The following EEF1E1 variants were observed in gnomAD, a reference collection of about 807,000 sequenced individuals.
The protein encoded by EEF1E1 is eukaryotic translation elongation factor 1 epsilon-1.
EEF1E1 carries 19 observed loss-of-function variants against 19.9 expected under a neutral mutation model. That is an observed-to-expected ratio of 0.95 (90% confidence interval 0.66 to 1.40). The LOEUF is 1.40. Ranked by LOEUF, EEF1E1 falls within the 40% of genes most tolerant of loss-of-function variation. The pLI is 0.00. For synonymous variants in EEF1E1, 81 were observed against 80.0 expected, an observed-to-expected ratio of 1.01 and a Z score of -0.07; for missense variants, 198 against 202.2, an observed-to-expected ratio of 0.98 and a Z score of 0.13.
rs1758359238 is a variant in EEF1E1 at position 8,101,359 on chromosome 6, T to TTATATA, written c.87+1075_87+1076insTATATA. Among the ~76,000 whole-genome samples the TTATATA allele has an allele frequency of 3.5e-5, 5 of 141,908 alleles. 1 individual carries two copies. The East Asian group carries it at 1.0e-3, about 29-fold the overall frequency. 93.1% of individuals were successfully genotyped at this position (141,908 alleles called of 152,430 possible). A position where few individuals can be genotyped will look rare whatever the true frequency, so the allele number is the denominator to read the frequency against. ...TATTATATTTATACTACATATATAT[T>TTATATA]ATATAATATATACACTAAGCTAGGG... On this transcript the variant is annotated intron_variant, in intron 1 of 3. Transcript: ENST00000379715.
intron 3 of EEF1E1, chr6:8,073,603 T>C: frequency 2.0e-6 from 3 of 1,481,530 alleles, no homozygotes; most frequent in South Asian, 1.3e-5. Flanking sequence ...TTATCTATTA[T>C]TGTTGTTATT....
intron 3 of EEF1E1, among the ~76,000 whole-genome samples, chr6:8,081,003 C>A (rs1757710276): frequency 6.6e-6 from 1 of 152,184 alleles, no homozygotes; most frequent in Non-Finnish European, 1.5e-5. Context: ...TGCTAAGTTA[C>A]CAGATCACCA....
chr6:8,079,809 AT>A lies in EEF1E1; in HGVS notation c.*80del. 6.9e-7 allele frequency: 1 copy of A among 1,458,712 alleles called. No homozygotes were observed. Among genetic ancestry groups the A allele is most frequent in the Non-Finnish European group, 9.1e-7 (1 of 1,098,736 alleles). 90.4% of individuals were successfully genotyped at this position (1,458,712 alleles called of 1,614,324 possible). On this transcript the variant is annotated 3_prime_UTR_variant, in exon 4 of 4. Transcript: ENST00000379715. Reference sequence around the variant, plus strand: ...ACAAATAATGAATGACTGTATATTAATTTACATTAGTCCTGTGGTCTAGAGT... The same window carrying A: ...ACAAATAATGAATGACTGTATATTAATTACATTAGTCCTGTGGTCTAGAGT...
At chr6:8,082,703 CA>C (rs1419227084) in intron 3 of EEF1E1, among the ~76,000 whole-genome samples, 2 of 152,110 alleles carry the variant, frequency 1.3e-5, no homozygotes, top group Non-Finnish European at 2.9e-5. Context: ...CAGAGTTTTT[CA>C]AAAAGGATGA....
intron 3 of EEF1E1, among the ~76,000 whole-genome samples, chr6:8,084,971 C>T (rs771211403): frequency 1.3e-5 from 2 of 151,944 alleles, no homozygotes; most frequent in African/African-American, 2.4e-5. Flanking sequence ...ATTTTAAATT[C>T]GAAAAGCTAC....
downstream of EEF1E1, among the ~76,000 whole-genome samples, chr6:8,078,304 C>CTGAGTCTCCTGACT (rs1554142261): frequency 8.6e-5 from 13 of 151,664 alleles, no homozygotes; most frequent in South Asian, 2.1e-4. Flanking sequence ...AGAGGGAAGC[C>CTGAGTCTCCTGACT]CAAGGAAAAG....
At chr6:8,084,473 G>T (rs1019502953) in intron 3 of EEF1E1, among the ~76,000 whole-genome samples, 1 of 152,176 alleles carries the variant, frequency 6.6e-6, no homozygotes, top group African/African-American at 2.4e-5. Context: ...TAGAGGAAAA[G>T]AAAATTTAAT....
chr6:8,074,495 C>A (rs1010160960), downstream of EEF1E1, among the ~76,000 whole-genome samples: 1 of 152,114 alleles, frequency 6.6e-6, no homozygotes, highest in African/African-American at 2.4e-5. Flanking sequence ...CTAAGCCCGG[C>A]GGAAGAAACA....
Position 8,079,759 on chromosome 6 carries a change from C to G in EEF1E1, c.*131G>C. Reference sequence around the variant, plus strand: ...AATAAAACATTCAGACACAAGTTTACACTTCAAAAATTCTATCAACTTCAA... The same window carrying G: ...AATAAAACATTCAGACACAAGTTTAGACTTCAAAAATTCTATCAACTTCAA... On this transcript the variant is annotated 3_prime_UTR_variant, in exon 4 of 4. Transcript: ENST00000379715. 5.3e-6 allele frequency: 7 copies of G among 1,332,680 alleles called. No homozygotes were observed. The highest frequency in any genetic ancestry group is 3.0e-5 in the Admixed American group (1 of 32,816). The allele number at this position is 1,332,680 out of a possible 1,614,324, so 82.6% of individuals were successfully genotyped here.
intron 1 of EEF1E1, among the ~76,000 whole-genome samples, chr6:8,099,772 ACACACACACACACAC>A (rs1758279472): frequency 8.0e-6 from 1 of 124,246 alleles, no homozygotes; most frequent in African/African-American, 3.2e-5. Flanking sequence ...ACACACACAC[ACACACACACACACAC>A]ACACAAAAAA....
At chr6:8,101,891 T>A (rs1335021878) in intron 1 of EEF1E1, 2 of 1,251,260 alleles carry the variant, frequency 1.6e-6, no homozygotes, top group Admixed American at 2.3e-5. Flanking sequence ...CTGCCATTTA[T>A]GGTGCAACGT....
intron 2 of EEF1E1, among the ~76,000 whole-genome samples, chr6:8,096,855 T>C (rs1272833391): frequency 6.6e-6 from 1 of 152,140 alleles, no homozygotes. Flanking sequence ...AACTAAACCC[T>C]AAAAGATTCT....
intron 1 of EEF1E1, chr6:8,102,205 T>C (rs766038959): frequency 1.4e-6 from 1 of 702,026 alleles, no homozygotes; most frequent in Non-Finnish European, 1.7e-6. Flanking sequence ...TCCCAGGAGG[T>C]GAAGTTCAGG....
At chr6:8,078,735 A>T (rs1757656909), downstream of EEF1E1, 1 of 1,285,220 alleles carries the variant, frequency 7.8e-7, no homozygotes, top group Admixed American at 2.3e-5. Flanking sequence ...AACAATCATG[A>T]TTTGCCTGGA....
At chr6:8,087,388 T>C (rs1247232639) in intron 3 of EEF1E1, among the ~76,000 whole-genome samples, 2 of 152,242 alleles carry the variant, frequency 1.3e-5, no homozygotes, top group Non-Finnish European at 2.9e-5. Context: ...TGGCTGATTT[T>C]TGTAGTTTTA....
chr6:8,088,436 A>C (rs183573346), intron 3 of EEF1E1, among the ~76,000 whole-genome samples: 1 of 152,256 alleles, frequency 6.6e-6, no homozygotes, highest in East Asian at 1.9e-4. Context: ...GGTGGGAGGT[A>C]ATTGAATCAT....
chr6:8,092,716 GA>G (rs1291535991), intron 2 of EEF1E1, among the ~76,000 whole-genome samples: 1 of 152,080 alleles, frequency 6.6e-6, no homozygotes, highest in African/African-American at 2.4e-5. Context: ...GAAAGTACAA[GA>G]AATAAAATAT....
intron 3 of EEF1E1, among the ~76,000 whole-genome samples, chr6:8,088,541 CT>C (rs1757930070): frequency 6.6e-6 from 1 of 152,198 alleles, no homozygotes; most frequent in Non-Finnish European, 1.5e-5. Context: ...CACAAGCCCT[CT>C]CTGCCTGCTG....
At chr6:8,084,555 C>T (rs527393419) in intron 3 of EEF1E1, among the ~76,000 whole-genome samples, 1 of 152,270 alleles carries the variant, frequency 6.6e-6, no homozygotes, top group African/African-American at 2.4e-5. Flanking sequence ...AAATACTCTC[C>T]TTCTTAATGA....
Sources: allele counts gnomAD v4.1 joint callset (sites outside exome capture counted in the v4.1 genomes callset), GRCh38; gene constraint gnomAD v4.1.1; transcripts MANE v1.5; gene names NCBI Gene and HGNC (gene_info 2026-07-23, HGNC 2026-07-21).